WIPF1: variants seen among roughly 807,000 people sequenced by gnomAD.
WIPF1 encodes the protein WAS/WASL interacting protein family member 1.
In WIPF1, 13 loss-of-function variants were observed where a neutral mutation model predicts 35.4. The observed-to-expected ratio is 0.37, with a 90% CI of 0.24 to 0.58. The LOEUF (loss-of-function observed/expected upper bound fraction) is 0.58, where lower values mean the gene tolerates loss of function less well. Ranked by LOEUF, WIPF1 falls within the 20% of genes least tolerant of loss-of-function variation. The pLI, the probability that WIPF1 is intolerant of heterozygous loss-of-function variation, is 0.74. For synonymous variants in WIPF1, 267 were observed against 266.3 expected, an observed-to-expected ratio of 1.00 and a Z score of -0.02; for missense variants, 591 against 667.0, an observed-to-expected ratio of 0.89 and a Z score of 1.25.
chr2:174,598,866 C>T (rs759626752), upstream of WIPF1, among the ~76,000 whole-genome samples: 77 of 152,162 alleles, frequency 5.1e-4, no homozygotes, highest in Non-Finnish European at 1.2e-4. Flanking sequence ...ATGTAGAAAA[C>T]ATTTTATCAA....
chr2:174,562,025 G>A lies in WIPF1; in HGVS notation c.*522C>T. The A allele has an allele frequency of 2.0e-6, 3 of 1,531,310 alleles. No individual in the cohort carries two copies. The highest frequency in any genetic ancestry group is 2.7e-6 in the Non-Finnish European group (3 of 1,129,910). The allele number at this position is 1,531,310 out of a possible 1,614,324, so 94.9% of individuals were successfully genotyped here. On this transcript the variant is annotated 3_prime_UTR_variant, in exon 8 of 8. Coordinates refer to ENST00000679041, the MANE Select transcript of WIPF1 (RefSeq NM_001375834.1). ...ATGGGGCTCACATTATATTTCTATTGGACAGCTCTGTCCTAGAGCCAAGCT... is the reference window on the plus strand; with the variant it reads ...ATGGGGCTCACATTATATTTCTATTAGACAGCTCTGTCCTAGAGCCAAGCT...
intron 3 of WIPF1, among the ~76,000 whole-genome samples, chr2:174,580,003 T>A (rs949499423): frequency 6.6e-6 from 1 of 151,884 alleles, no homozygotes; most frequent in South Asian, 2.1e-4. Context: ...CAGGCTGGAG[T>A]GCAGTGGCAC....
At chr2:174,629,991 C>G (rs1686970029) in intron 1 of WIPF1, 1 of 152,162 alleles carries the variant, frequency 6.6e-6, no homozygotes, top group Non-Finnish European at 1.5e-5. Flanking sequence ...TGCATAACTT[C>G]CTAGTCTGAA....
chr2:174,599,293 C>T (rs374446613), upstream of WIPF1, among the ~76,000 whole-genome samples: 48 of 152,200 alleles, frequency 3.2e-4, no homozygotes, highest in African/African-American at 1.1e-3. Flanking sequence ...ACCCAAAATA[C>T]CAGAAGTGCT....
intron 1 of WIPF1, among the ~76,000 whole-genome samples, chr2:174,625,341 A>G (rs936144291): frequency 1.3e-5 from 2 of 152,188 alleles, no homozygotes; most frequent in African/African-American, 4.8e-5. Context: ...ATGAGGTCTC[A>G]GGTTTTAGGC....
intron 1 of WIPF1, among the ~76,000 whole-genome samples, chr2:174,612,773 T>C (rs542101545): frequency 1.1e-3 from 156 of 137,998 alleles, no homozygotes; most frequent in Non-Finnish European, 1.8e-3. Context: ...GTTTGTTATC[T>C]GGATTTAAAA....
intron 3 of WIPF1, among the ~76,000 whole-genome samples, chr2:174,578,101 T>C (rs1685119670): frequency 6.6e-6 from 1 of 152,162 alleles, no homozygotes; most frequent in African/African-American, 2.4e-5. Flanking sequence ...GGCTGTCCTG[T>C]CCTGTTCTTT....
chr2:174,575,120 G>C, intron 4 of WIPF1, 84 bp downstream of exon 4: 1 of 1,405,208 alleles, frequency 7.1e-7, no homozygotes, highest in Non-Finnish European at 9.8e-7. Flanking sequence ...TAAGGGCGAA[G>C]AGCCTTAGAG....
intron 1 of WIPF1, among the ~76,000 whole-genome samples, chr2:174,609,570 C>G (rs541244850): frequency 6.6e-6 from 1 of 152,292 alleles, no homozygotes; most frequent in East Asian, 1.9e-4. Flanking sequence ...TGATCACTTA[C>G]AAACTGAAGT....
chr2:174,636,527 C>A (rs754029626), intron 1 of WIPF1, among the ~76,000 whole-genome samples: 2 of 152,138 alleles, frequency 1.3e-5, no homozygotes, highest in African/African-American at 2.4e-5. Flanking sequence ...AATAGTGATA[C>A]ATAATTATTA....
chr2:174,608,080 TA>T (rs147428586), intron 1 of WIPF1, among the ~76,000 whole-genome samples: 3,610 of 152,076 alleles, frequency 0.024, 140 homozygotes, highest in African/African-American at 0.081. Context: ...AAAAAGACAA[TA>T]ATGGGGGGCC....
At chr2:174,647,103 A>G (rs1036821917) in intron 1 of WIPF1, among the ~76,000 whole-genome samples, 2 of 152,178 alleles carry the variant, frequency 1.3e-5, no homozygotes, top group African/African-American at 4.8e-5. Context: ...AAGAGTGAGA[A>G]TATTTGTGTC....
At chr2:174,600,602 T>G (rs951022368), upstream of WIPF1, among the ~76,000 whole-genome samples, 1 of 152,250 alleles carries the variant, frequency 6.6e-6, no homozygotes, top group Admixed American at 6.5e-5. Context: ...TTCCTTTTTA[T>G]TCTTCAAATG....
chr2:174,574,097 G>C (rs982602255), intron 4 of WIPF1, among the ~76,000 whole-genome samples: 1 of 151,672 alleles, frequency 6.6e-6, no homozygotes, highest in African/African-American at 2.4e-5. Context: ...TTGCCATGTT[G>C]CCCAGGCTGT....
chr2:174,562,464 G>C lies in WIPF1; in HGVS notation c.*83C>G. ...TCCTGCCCATACATGAGGCACAAGG[G>C]AAGAAGCAGGGAGGAGGGTATGCAG... On this transcript the variant is annotated 3_prime_UTR_variant, in exon 8 of 8. Transcript: ENST00000679041. The C allele has an allele frequency of 3.7e-6, 6 of 1,603,928 alleles. No individual in the cohort carries two copies. The South Asian group carries it at 6.7e-5, about 18-fold the overall frequency.
intron 1 of WIPF1, among the ~76,000 whole-genome samples, chr2:174,679,236 C>T (rs1240796580): frequency 6.6e-6 from 1 of 151,988 alleles, no homozygotes; most frequent in Non-Finnish European, 1.5e-5. Context: ...TTTGGGAGGC[C>T]GAGATAGGCC....
intron 1 of WIPF1, among the ~76,000 whole-genome samples, chr2:174,611,135 G>A (rs1232846024): frequency 9.2e-5 from 14 of 152,122 alleles, no homozygotes; most frequent in East Asian, 1.9e-4. Context: ...ATTGTCCACC[G>A]TCATGGAGCT....
chr2:174,618,260 G>A (rs540966766), intron 1 of WIPF1, among the ~76,000 whole-genome samples: 2 of 152,332 alleles, frequency 1.3e-5, no homozygotes, highest in South Asian at 4.1e-4. Flanking sequence ...CTGTGAGCTG[G>A]TCTGTCCTGA....
intron 1 of WIPF1, among the ~76,000 whole-genome samples, chr2:174,612,537 A>G (rs1448201634): frequency 6.6e-6 from 1 of 151,742 alleles, no homozygotes. Flanking sequence ...GTATTTCCTT[A>G]GGATAAATTT....
Sources: allele counts gnomAD v4.1 joint callset (sites outside exome capture counted in the v4.1 genomes callset), GRCh38; gene constraint gnomAD v4.1.1; transcripts MANE v1.5; gene names NCBI Gene and HGNC (gene_info 2026-07-23, HGNC 2026-07-21).